The following SHOC2 variants were observed in gnomAD, a reference collection of about 807,000 sequenced individuals.
SHOC2 encodes SHOC2 leucine rich repeat scaffold protein.
SHOC2 carries 4 observed loss-of-function variants against 50.2 expected under a neutral mutation model. The observed-to-expected ratio is 0.08, with a 90% confidence interval of 0.04 to 0.18. The LOEUF is 0.18. Among genes scored for constraint, SHOC2 ranks in the 10% least tolerant of loss-of-function variants. The pLI is 1.00. For synonymous variants in SHOC2, 218 were observed against 244.5 expected (o/e 0.89, Z 1.01); for missense variants, 388 against 669.6 (o/e 0.58, Z 4.64).
At chr10:110,931,824 A>G (rs760348027) in intron 1 of SHOC2, among the ~76,000 whole-genome samples, 4 of 152,192 alleles carry the variant, frequency 2.6e-5, no homozygotes, top group African/African-American at 9.6e-5. Flanking sequence ...TTCAATAAAT[A>G]TAAGTGTTAT....
In SHOC2 at chr10:110,985,749, C is replaced by T. The variant is rs199633289; in HGVS notation, c.825C>T (p.Asp275=). The change falls in exon 3 of 9, where the codon GAC becomes GAT. Residue 275 remains aspartate, a synonymous_variant. Transcript: ENST00000369452. ...ACTTGCAGCACAATGAACTGCTAGA[C>T]CTCCCAGATACTATAGGTATGAGAG... ...NLDLQHNELL[D]LPDTIGNLSS... 1.2e-6 allele frequency: 2 copies of T among 1,612,792 alleles called. No homozygotes were observed. The highest frequency in any genetic ancestry group is 4.5e-5 in the East Asian group (2 of 44,736).
chr10:110,988,769 A>C (rs1333483896), intron 3 of SHOC2, among the ~76,000 whole-genome samples: 1 of 152,100 alleles, frequency 6.6e-6, no homozygotes, highest in Non-Finnish European at 1.5e-5. Context: ...GAGGTCATTA[A>C]TTTGAGACCT....
chr10:110,996,460 T>C (rs531322556), intron 3 of SHOC2, among the ~76,000 whole-genome samples: 19 of 151,808 alleles, frequency 1.3e-4, no homozygotes, highest in Non-Finnish European at 2.7e-4. Context: ...CCAGGGAGTT[T>C]GAGGCTGCAG....
At chr10:110,963,783 A>G (rs1847618641) in intron 1 of SHOC2, among the ~76,000 whole-genome samples, 1 of 152,218 alleles carries the variant, frequency 6.6e-6, no homozygotes, top group Non-Finnish European at 1.5e-5. Flanking sequence ...TATGTGTTAT[A>G]TTAATACATG....
intron 2 of SHOC2, among the ~76,000 whole-genome samples, chr10:110,970,844 G>A (rs568951472): frequency 1.5e-4 from 23 of 150,140 alleles, no homozygotes; most frequent in Non-Finnish European, 2.2e-4. Flanking sequence ...GCATTTTTTC[G>A]TATACCTTTT....
chr10:110,986,137 A>G (rs1408001957), intron 3 of SHOC2, among the ~76,000 whole-genome samples: 2 of 152,122 alleles, frequency 1.3e-5, no homozygotes, highest in Admixed American at 6.5e-5. Context: ...AAATAAAACC[A>G]TTGCTATTTA....
rs147689183 is a variant in SHOC2, at chr10:110,949,669, C to T, written c.-234-14456C>T. 2.4e-3 allele frequency among the ~76,000 whole-genome samples: 363 copies of T among 152,096 alleles called. 1 individual carries two copies. Among genetic ancestry groups the T allele is most frequent in the African/African-American group, 8.0e-3 (331 of 41,512 alleles). On this transcript the variant is annotated intron_variant, in intron 1 of 8. Coordinates refer to ENST00000369452, the MANE Select transcript of SHOC2 (RefSeq NM_007373.4). ...GGTCAGTATCTCTGATTAACGTAGACGCAGAAATCCTCAACAAAATACTAC... is the reference window on the plus strand; with the variant it reads ...GGTCAGTATCTCTGATTAACGTAGATGCAGAAATCCTCAACAAAATACTAC...
chr10:110,993,633 G>A (rs1182484951), intron 3 of SHOC2, among the ~76,000 whole-genome samples: 1 of 151,970 alleles, frequency 6.6e-6, no homozygotes, highest in Non-Finnish European at 1.5e-5. Context: ...ACTGGTTTTG[G>A]TACTAGATAA....
intron 1 of SHOC2, among the ~76,000 whole-genome samples, chr10:110,953,273 A>T (rs1847393371): frequency 1.3e-5 from 2 of 152,118 alleles, no homozygotes; most frequent in Admixed American, 1.3e-4. Context: ...CTGGCGTGAG[A>T]TGGTGTCTCA....
At chr10:110,959,705 A>C (rs1935574155) in intron 1 of SHOC2, among the ~76,000 whole-genome samples, 1 of 152,198 alleles carries the variant, frequency 6.6e-6, no homozygotes, top group Admixed American at 6.5e-5. Context: ...TCGCCAGATG[A>C]TTCTTGCTGA....
At chr10:110,930,810 C>T (rs1339610989) in intron 1 of SHOC2, among the ~76,000 whole-genome samples, 2 of 127,260 alleles carry the variant, frequency 1.6e-5, no homozygotes, top group Non-Finnish European at 3.2e-5. Flanking sequence ...TACCATTTGA[C>T]GTTTACCATT....
chr10:111,007,215 A>G (rs1486039930), intron 5 of SHOC2, among the ~76,000 whole-genome samples: 3 of 152,160 alleles, frequency 2.0e-5, no homozygotes, highest in African/African-American at 7.2e-5. Flanking sequence ...ATATTGTGAA[A>G]TTGTAAAAAC....
chr10:110,925,216 T>C (rs946693148), intron 1 of SHOC2, among the ~76,000 whole-genome samples: 15 of 152,042 alleles, frequency 9.9e-5, no homozygotes, highest in African/African-American at 3.6e-4. Flanking sequence ...ATTTAAAATG[T>C]ACTCTTTTTT....
rs572015914 is a variant in SHOC2 at position 110,979,291 on chromosome 10, G to A, written c.704-6337G>A. On this transcript the variant is annotated intron_variant, in intron 2 of 8. Coordinates refer to ENST00000369452, the MANE Select transcript of SHOC2 (RefSeq NM_007373.4). ...ACATGGCAGCTTGCCTTATCAAAGCGTGTAAGCTAAGACATCAATAAAGTG... is the reference window on the plus strand; with the variant it reads ...ACATGGCAGCTTGCCTTATCAAAGCATGTAAGCTAAGACATCAATAAAGTG... Among the ~76,000 whole-genome samples, 41 of 152,324 alleles carry A rather than the reference G, an allele frequency of 2.7e-4. No individual in the cohort carries two copies. In the South Asian group the frequency reaches 8.1e-3, roughly 30 times the overall value.
intron 1 of SHOC2, among the ~76,000 whole-genome samples, chr10:110,950,206 T>C (rs1564709197): frequency 1.3e-5 from 2 of 152,080 alleles, no homozygotes; most frequent in Non-Finnish European, 2.9e-5. Context: ...AGTTGCAAAA[T>C]ATAAAATTAG....
At chr10:110,956,840 C>T (rs952401784) in intron 1 of SHOC2, among the ~76,000 whole-genome samples, 3 of 151,462 alleles carry the variant, frequency 2.0e-5, no homozygotes, top group South Asian at 2.1e-4. Context: ...CAAAGTATTC[C>T]GTTTAATGTT....
chr10:111,006,169 A>G (rs1264804841), intron 5 of SHOC2, among the ~76,000 whole-genome samples: 2 of 152,244 alleles, frequency 1.3e-5, no homozygotes, highest in East Asian at 1.9e-4. Context: ...TTAAAAATGA[A>G]AATACTTTAT....
chr10:110,940,791 G>C (rs1346543720), intron 1 of SHOC2, among the ~76,000 whole-genome samples: 2 of 151,758 alleles, frequency 1.3e-5, no homozygotes, highest in Non-Finnish European at 2.9e-5. Flanking sequence ...TTGGATAATT[G>C]GTATACGTTT....
chr10:110,929,876 C>A (rs1846856732), intron 1 of SHOC2, among the ~76,000 whole-genome samples: 1 of 152,132 alleles, frequency 6.6e-6, no homozygotes, highest in Admixed American at 6.5e-5. Context: ...TTAATACATA[C>A]CAGTTGGGAA....
Sources: gnomAD v4.1 joint callset for allele counts (sites outside exome capture counted in the v4.1 genomes callset) on GRCh38, gnomAD v4.1.1 for gene constraint, MANE v1.5 for transcripts, NCBI Gene and HGNC (gene_info 2026-07-23, HGNC 2026-07-21) for gene names.